PARD6G: variants seen among roughly 807,000 people sequenced by gnomAD.
PARD6G encodes the protein partitioning defective 6 homolog gamma.
Under a neutral mutation model 10.7 loss-of-function variants are expected in PARD6G, and 7 were observed. The observed-to-expected ratio is 0.66, with a 90% CI of 0.37 to 1.23. The LOEUF (loss-of-function observed/expected upper bound fraction) is 1.23. Among genes scored for constraint, PARD6G ranks in the 50% most tolerant of loss-of-function variants. The pLI, the probability that PARD6G is intolerant of heterozygous loss-of-function variation, is 0.02. For synonymous variants in PARD6G, 287 were observed against 269.4 expected, an observed-to-expected ratio of 1.07 and a Z score of -0.64; for missense variants, 548 against 571.8, an observed-to-expected ratio of 0.96 and a Z score of 0.42.
chr18:80,247,417 G>C lies in PARD6G; in HGVS notation c.-69C>G. 1.5e-6 allele frequency: 2 copies of C among 1,313,632 alleles called. No homozygotes were observed. Among genetic ancestry groups the C allele is most frequent in the Non-Finnish European group, 2.1e-6 (2 of 974,678 alleles). The allele number at this position is 1,313,632 out of a possible 1,614,324, so 81.4% of individuals were successfully genotyped here. On this transcript the variant is annotated 5_prime_UTR_variant, in exon 1 of 3. Coordinates refer to ENST00000353265, the MANE Select transcript of PARD6G (RefSeq NM_032510.4). This position sits in a 1 kb window ranked among gnomAD's most constrained non-coding sequence, Gnocchi z 4.2. ...GGGCCGCAGAAAGACTCCCGGGGGC[G>C]GCGCCCCCAGGCCCCGGCCCCGGCC...
chr18:80,205,964 G>GAT (rs1398949041), intron 1 of PARD6G, among the ~76,000 whole-genome samples: 22 of 152,184 alleles, frequency 1.4e-4, no homozygotes, highest in Non-Finnish European at 1.3e-4. Context: ...ACCGCAAAGG[G>GAT]ATACAGCTCA....
chr18:80,205,373 T>C (rs1967045627), intron 1 of PARD6G, among the ~76,000 whole-genome samples: 2 of 152,244 alleles, frequency 1.3e-5, no homozygotes, highest in Non-Finnish European at 1.5e-5. Context: ...AATCCTTGTC[T>C]TTCCCATCTC....
intron 1 of PARD6G, among the ~76,000 whole-genome samples, chr18:80,234,126 A>G (rs1169568630): frequency 1.3e-5 from 2 of 152,090 alleles, no homozygotes; most frequent in Non-Finnish European, 2.9e-5. Context: ...TGTCAAGTTC[A>G]GGCACGTTTT....
chr18:80,177,154 C>T (rs563413676), intron 2 of PARD6G, among the ~76,000 whole-genome samples: 1 of 84,316 alleles, frequency 1.2e-5, no homozygotes, highest in African/African-American at 4.9e-5. Flanking sequence ...GTATAAATCA[C>T]AGCCTAAATG....
intron 1 of PARD6G, among the ~76,000 whole-genome samples, chr18:80,211,562 A>G (rs1967108268): frequency 2.0e-5 from 3 of 152,264 alleles, no homozygotes; most frequent in Admixed American, 2.0e-4. Context: ...ACCTCTGGGT[A>G]TATAACTAAA....
chr18:80,198,549 T>C (rs1052568393), intron 2 of PARD6G, among the ~76,000 whole-genome samples: 9 of 152,192 alleles, frequency 5.9e-5, no homozygotes, highest in African/African-American at 1.7e-4. Flanking sequence ...GCTAGTCCCA[T>C]TGGGCTGTGC....
chr18:80,221,371 T>G (rs1478469615), intron 1 of PARD6G, among the ~76,000 whole-genome samples: 1 of 152,188 alleles, frequency 6.6e-6, no homozygotes, highest in Non-Finnish European at 1.5e-5. Flanking sequence ...CCATGACCTG[T>G]GAGATTTATC....
At chr18:80,211,258 C>G (rs746655867) in intron 1 of PARD6G, among the ~76,000 whole-genome samples, 8 of 152,164 alleles carry the variant, frequency 5.3e-5, no homozygotes, top group Non-Finnish European at 1.0e-4. Context: ...ATATGTGATA[C>G]TTGAAGATTG....
Position 80,159,017 on chromosome 18 carries a change from C to T in PARD6G, c.*754G>A, listed in dbSNP as rs983488391. ...TTTTTTTTTTTTCCCGAGACAGAGTCTTGCTCTGTCACCCAGGCTGGAGTG... is the reference window on the plus strand; with the variant it reads ...TTTTTTTTTTTTCCCGAGACAGAGTTTTGCTCTGTCACCCAGGCTGGAGTG... On this transcript the variant is annotated 3_prime_UTR_variant, in exon 3 of 3. Coordinates refer to ENST00000353265, the MANE Select transcript of PARD6G (RefSeq NM_032510.4). The T allele has an allele frequency of 6.7e-6, 1 of 150,070 alleles. No homozygotes were observed. Among genetic ancestry groups the T allele is most frequent in the Non-Finnish European group, 1.5e-5 (1 of 67,762 alleles). The allele number at this position is 150,070 out of a possible 1,614,324, so 9.3% of individuals were successfully genotyped here. A position where few individuals can be genotyped will look rare whatever the true frequency, so the allele number is the denominator to read the frequency against.
At chr18:80,202,450 A>G (rs1301770586) in intron 2 of PARD6G, among the ~76,000 whole-genome samples, 1 of 152,178 alleles carries the variant, frequency 6.6e-6, no homozygotes, top group Admixed American at 6.5e-5. Context: ...GAGTCATTTC[A>G]CTTCTAGTTA....
rs1248127831 is a variant in PARD6G, at chr18:80,159,500, T to G, written c.*271A>C. 8 of 387,028 alleles carry G rather than the reference T, an allele frequency of 2.1e-5. No homozygotes were observed. The highest frequency in any genetic ancestry group is 8.8e-6 in the Non-Finnish European group (2 of 226,988). 24.0% of individuals were successfully genotyped at this position (387,028 alleles called of 1,614,324 possible). Reference sequence around the variant, plus strand: ...AATTTTAAAAAGCATTTTTTTGCACTTGGTCAGATCTTTTCTATCACTTTG... The same window carrying G: ...AATTTTAAAAAGCATTTTTTTGCACGTGGTCAGATCTTTTCTATCACTTTG... On this transcript the variant is annotated 3_prime_UTR_variant, in exon 3 of 3. Coordinates refer to ENST00000353265, the MANE Select transcript of PARD6G (RefSeq NM_032510.4).
At chr18:80,236,196 C>T (rs1370916296) in intron 1 of PARD6G, among the ~76,000 whole-genome samples, 1 of 152,200 alleles carries the variant, frequency 6.6e-6, no homozygotes, top group African/African-American at 2.4e-5. Flanking sequence ...GCTGGTTCAA[C>T]AAGCACAAAT....
At chr18:80,174,750 C>T (rs567192727) in intron 2 of PARD6G, among the ~76,000 whole-genome samples, 12 of 152,120 alleles carry the variant, frequency 7.9e-5, no homozygotes, top group African/African-American at 1.4e-4. Flanking sequence ...GTCAGGAGAT[C>T]GAGACCATCC....
intron 1 of PARD6G, among the ~76,000 whole-genome samples, chr18:80,215,838 C>T (rs1254659114): frequency 6.6e-6 from 1 of 151,904 alleles, no homozygotes; most frequent in Admixed American, 6.6e-5. Context: ...GATTAAAACA[C>T]AAAACACAAA....
intron 1 of PARD6G, among the ~76,000 whole-genome samples, chr18:80,209,127 A>AC (rs1012981537): frequency 3.6e-4 from 55 of 151,830 alleles, no homozygotes; most frequent in Middle Eastern, 3.4e-3. Flanking sequence ...AAACAAACAA[A>AC]AAAAAAAAAC....
rs764059474 is a variant in PARD6G, at chr18:80,230,788, G to A, written c.72+16489C>T. ...ACAGAGGTCTATGAACATGGTCTCC[G>A]TCCAGAAGGGATTTACCATACAGGA... On this transcript the variant is annotated intron_variant, in intron 1 of 2. Transcript: ENST00000353265. Among the ~76,000 whole-genome samples, 12 of 152,166 alleles carry A rather than the reference G, an allele frequency of 7.9e-5. No individual in the cohort carries two copies. The East Asian group carries it at 1.2e-3, about 15-fold the overall frequency.
At chr18:80,203,665 G>A (rs547103139) in intron 1 of PARD6G, among the ~76,000 whole-genome samples, 1 of 152,200 alleles carries the variant, frequency 6.6e-6, no homozygotes, top group Non-Finnish European at 1.5e-5. Flanking sequence ...TGCACAGCTT[G>A]GGGCAGGGCT....
intron 2 of PARD6G, among the ~76,000 whole-genome samples, chr18:80,166,960 C>T (rs1483536949): frequency 6.6e-6 from 1 of 152,114 alleles, no homozygotes; most frequent in East Asian, 1.9e-4. Flanking sequence ...CCATGCTGAC[C>T]CCTCTGGCCT....
intron 2 of PARD6G, among the ~76,000 whole-genome samples, chr18:80,196,031 TC>T (rs1381576354): frequency 1.3e-5 from 2 of 152,048 alleles, no homozygotes; most frequent in Non-Finnish European, 2.9e-5. Flanking sequence ...TCTACCAGTT[TC>T]CCTTAAAGAC....
Sources: gnomAD v4.1 joint callset for allele counts (sites outside exome capture counted in the v4.1 genomes callset) on GRCh38, gnomAD v4.1.1 for gene constraint, Gnocchi (gnomAD v3.1) non-coding constraint, MANE v1.5 for transcripts, NCBI Gene and HGNC (gene_info 2026-07-23, HGNC 2026-07-21) for gene names.